Variants in SARDH observed in about 807,000 individuals in gnomAD.
The protein encoded by SARDH is sarcosine dehydrogenase, mitochondrial.
A neutral mutation model predicts 109.1 loss-of-function variants in SARDH; 95 were observed. The observed-to-expected ratio is 0.87, with a 90% CI of 0.74 to 1.03. SARDH has a LOEUF of 1.03. Among genes scored for constraint, SARDH ranks in the 50% least tolerant of loss-of-function variants. The probability of loss-of-function intolerance (pLI) is 0.00; values close to 1 mark genes in which losing one functional copy is unlikely to be tolerated. For missense variants in SARDH, 1,267 were observed against 1,287.8 expected (o/e 0.98, Z 0.25); for synonymous variants, 572 against 534.8 (o/e 1.07, Z -0.96).
Position 133,666,956 on chromosome 9 carries a change from T to G in SARDH, c.2496-86A>C, listed in dbSNP as rs1372495379. On this transcript the variant is annotated intron_variant, in intron 19 of 20. Coordinates refer to ENST00000439388, the MANE Select transcript of SARDH (RefSeq NM_001134707.2). This position sits in a 1 kb window ranked among gnomAD's most constrained non-coding sequence, Gnocchi z 5.2. ...AGCGGCCTGGAGGAGAATGGGGGGC[T>G]GCATGATGCACACCCAACCGTGGCT... 6.5e-7 allele frequency: 1 copy of G among 1,545,456 alleles called. No individual in the cohort carries two copies. The highest frequency in any genetic ancestry group is 8.8e-7 in the Non-Finnish European group (1 of 1,135,396).
chr9:133,671,505 C>A lies in SARDH; in HGVS notation c.2326+30G>T. ...CACTGCCCCCCACTGCGCCCGCCCC[C>A]GCCCCGTGCTGTCCAGACCCTGCAC... is the stretch of plus-strand genomic sequence containing the variant. On this transcript the variant is annotated intron_variant, in intron 18 of 20. Transcript: ENST00000439388. 1.9e-6 allele frequency: 3 copies of A among 1,559,054 alleles called. No homozygotes were observed. The South Asian group carries it at 3.5e-5, about 18-fold the overall frequency.
intron 19 of SARDH, among the ~76,000 whole-genome samples, chr9:133,670,328 C>CA (rs5901026): frequency 0.03 from 3,108 of 103,140 alleles, 61 homozygotes; most frequent in African/African-American, 0.041. Flanking sequence ...GACTCCGTCT[C>CA]AAAAAAAAAA....
intron 20 of SARDH, among the ~76,000 whole-genome samples, chr9:133,665,860 C>G (rs1261818068): frequency 3.3e-5 from 5 of 152,276 alleles, no homozygotes; most frequent in Admixed American, 6.5e-5. Flanking sequence ...GGGGCTCAGG[C>G]TGGAAGGCTC....
At chr9:133,726,597 A>G (rs943053910) in intron 6 of SARDH, among the ~76,000 whole-genome samples, 1 of 152,030 alleles carries the variant, frequency 6.6e-6, no homozygotes, top group East Asian at 1.9e-4. Context: ...CACCCAGCGG[A>G]GTGCCCAGTT....
At chr9:133,721,940 A>G (rs1413440409) in intron 6 of SARDH, among the ~76,000 whole-genome samples, 2 of 152,006 alleles carry the variant, frequency 1.3e-5, no homozygotes, top group Non-Finnish European at 2.9e-5. Flanking sequence ...ACATGGTGAA[A>G]CCCCAACTCT....
intron 12 of SARDH, among the ~76,000 whole-genome samples, chr9:133,703,955 T>C (rs1202630554): frequency 6.6e-6 from 1 of 152,102 alleles, no homozygotes; most frequent in Non-Finnish European, 1.5e-5. Context: ...TCTTGGGACC[T>C]GGGGTGTGTT....
chr9:133,685,840 C>T (rs908648280), intron 16 of SARDH, among the ~76,000 whole-genome samples: 3 of 152,200 alleles, frequency 2.0e-5, no homozygotes, highest in African/African-American at 2.4e-5. Flanking sequence ...TCCTCCCAGC[C>T]CACTGCAGAA....
intron 13 of SARDH, among the ~76,000 whole-genome samples, chr9:133,701,446 G>T (rs1831482204): frequency 6.6e-6 from 1 of 152,234 alleles, no homozygotes; most frequent in Non-Finnish European, 1.5e-5. Flanking sequence ...ACCCTCAGCA[G>T]CCTCCCGCGC....
chr9:133,697,975 G>A (rs1362144569), intron 13 of SARDH, among the ~76,000 whole-genome samples: 1 of 122,754 alleles, frequency 8.1e-6, no homozygotes, highest in Non-Finnish European at 1.6e-5. Flanking sequence ...TGCCAAAACA[G>A]TATCTTGTAT....
intron 4 of SARDH, among the ~76,000 whole-genome samples, chr9:133,730,963 C>A (rs1454916199): frequency 2.6e-5 from 4 of 152,138 alleles, no homozygotes; most frequent in Non-Finnish European, 5.9e-5. Flanking sequence ...GGCGACAGAG[C>A]GAGATACTGT....
Position 133,704,450 on chromosome 9 carries a change from C to G in SARDH, c.1554+498G>C, listed in dbSNP as rs975719688. On this transcript the variant is annotated intron_variant, in intron 12 of 20. Coordinates refer to ENST00000439388, the MANE Select transcript of SARDH (RefSeq NM_001134707.2). This position sits in a 1 kb window ranked among gnomAD's most constrained non-coding sequence, Gnocchi z 4.5. ...GAGGACCCAGGTCCCTGGGAGTCCCCAGAGGACGCCCAGAGTCCAGGCCAC... is the reference window on the plus strand; with the variant it reads ...GAGGACCCAGGTCCCTGGGAGTCCCGAGAGGACGCCCAGAGTCCAGGCCAC... 2.6e-5 allele frequency among the ~76,000 whole-genome samples: 4 copies of G among 152,142 alleles called. No homozygotes were observed. The highest frequency in any genetic ancestry group is 5.9e-5 in the Non-Finnish European group (4 of 68,014).
intron 20 of SARDH, among the ~76,000 whole-genome samples, chr9:133,665,104 GT>G (rs200665833): frequency 0.029 from 4,488 of 152,196 alleles, 112 homozygotes; most frequent in South Asian, 0.11. Context: ...CATTTCCATG[GT>G]GCAAATGCTC....
intron 19 of SARDH, among the ~76,000 whole-genome samples, chr9:133,668,106 G>A (rs74516139): frequency 0.031 from 4,704 of 151,964 alleles, 120 homozygotes; most frequent in South Asian, 0.11. Flanking sequence ...CCAGAAGGTC[G>A]GGGTCAGGCA....
At chr9:133,690,198 C>T (rs1369165780) in intron 16 of SARDH, among the ~76,000 whole-genome samples, 182 bp downstream of exon 16, 2 of 152,186 alleles carry the variant, frequency 1.3e-5, no homozygotes, top group Non-Finnish European at 2.9e-5. Flanking sequence ...ACTCGTGTTA[C>T]CGGCTTATCT....
chr9:133,671,841 G>A (rs1830361738), intron 17 of SARDH, 144 bp from the exon 18 acceptor site: 2 of 1,026,128 alleles, frequency 1.9e-6, no homozygotes, highest in South Asian at 3.4e-5. Flanking sequence ...ATCAAGAAAT[G>A]GGGTCTTCCA....
Position 133,717,314 on chromosome 9 carries a change from G to C in SARDH, c.1150+12C>G, listed in dbSNP as rs775758532. On this transcript the variant is annotated intron_variant, in intron 8 of 20. Transcript: ENST00000439388. ...CATGGACGCCCACCCCAGCTCCGAG[G>C]CTGTCACTCACCAGGGCCGCAGACC... 8 of 1,613,576 alleles carry C rather than the reference G, an allele frequency of 5.0e-6. No homozygotes were observed. Among genetic ancestry groups the C allele is most frequent in the Admixed American group, 1.7e-5 (1 of 59,994 alleles).
At chr9:133,717,771 T>G (rs1832182868) in intron 7 of SARDH, among the ~76,000 whole-genome samples, 1 of 152,158 alleles carries the variant, frequency 6.6e-6, no homozygotes, top group Admixed American at 6.5e-5. Flanking sequence ...GTATGGCATG[T>G]GCCAGCCTGC....
Position 133,733,837 on chromosome 9 carries a change from C to T in SARDH, c.331+6G>A, listed in dbSNP as rs1490298037. On this transcript the variant is annotated splice_donor_region_variant and intron_variant, in intron 2 of 20. Coordinates refer to ENST00000439388, the MANE Select transcript of SARDH (RefSeq NM_001134707.2). ...TCCCTGCCCCTACCTGGCCCCCGGTCCCTACCTGCCGTGTGCCAGGTGGTC... is the reference window on the plus strand; with the variant it reads ...TCCCTGCCCCTACCTGGCCCCCGGTTCCTACCTGCCGTGTGCCAGGTGGTC... 1 of 1,453,426 alleles carries T rather than the reference C, an allele frequency of 6.9e-7. No homozygotes were observed. Among genetic ancestry groups the T allele is most frequent in the African/African-American group, 1.4e-5 (1 of 69,772 alleles). The allele number at this position is 1,453,426 out of a possible 1,614,324, so 90.0% of individuals were successfully genotyped here. A position where few individuals can be genotyped will look rare whatever the true frequency, so the allele number is the denominator to read the frequency against.
chr9:133,718,972 C>T lies in SARDH; in HGVS notation c.986G>A (p.Gly329Asp), dbSNP rs1162336312. 1.2e-6 allele frequency: 2 copies of T among 1,614,018 alleles called. No homozygotes were observed. The highest frequency in any genetic ancestry group is 2.7e-5 in the African/African-American group (2 of 74,918). Residue 329 changes from glycine (G) to aspartate (D), a missense_variant, in exon 7 of 21, where the codon GGT becomes GAT. Transcript: ENST00000439388. This position sits in a 1 kb window ranked among gnomAD's most constrained non-coding sequence, Gnocchi z 4.2. ...LRLQGDALSV[G>D]GYEANPIFWE... is the part of the protein sequence containing the mutation. ...AAAGATGGGGTTGGCCTCATAGCCA[C>T]CCACAGACAAGGCATCCCCTTGGAG...
Sources: allele counts gnomAD v4.1 joint callset (sites outside exome capture counted in the v4.1 genomes callset), GRCh38; gene constraint gnomAD v4.1.1; non-coding constraint Gnocchi (gnomAD v3.1); transcripts MANE v1.5; gene names NCBI Gene and HGNC (gene_info 2026-07-23, HGNC 2026-07-21).